ANKFN1: variants seen among roughly 807,000 people sequenced by gnomAD.
The protein encoded by ANKFN1 is ankyrin repeat and fibronectin type III domain containing 1.
A neutral mutation model predicts 108.7 loss-of-function variants in ANKFN1; 74 were observed. The ratio of observed to expected loss-of-function variants is 0.68; its 90% CI spans 0.56 to 0.83. The LOEUF is 0.83. ANKFN1 is among the 40% of genes least tolerant of loss of function. The pLI is 0.00. For missense variants in ANKFN1, 1,505 were observed against 1,382.3 expected (o/e 1.09, Z -1.41); for synonymous variants, 547 against 516.2 (o/e 1.06, Z -0.81).
chr17:56,279,877 A>C (rs951712475), intron 3 of ANKFN1, among the ~76,000 whole-genome samples: 2 of 152,236 alleles, frequency 1.3e-5, no homozygotes, highest in South Asian at 2.1e-4. Context: ...TGAGCACTAA[A>C]CCAGTGGTTC....
intron 11 of ANKFN1, among the ~76,000 whole-genome samples, chr17:56,455,737 G>A (rs1226721613): frequency 1.3e-5 from 2 of 152,212 alleles, no homozygotes; most frequent in Admixed American, 6.5e-5. Flanking sequence ...ATTAGGGCAA[G>A]CTCCATGTTA....
At chr17:56,416,884 A>C (rs1190098972) in intron 8 of ANKFN1, among the ~76,000 whole-genome samples, 1 of 152,316 alleles carries the variant, frequency 6.6e-6, no homozygotes, top group Admixed American at 6.5e-5. Context: ...CATAAAAAAG[A>C]ATGAGATCCT....
chr17:56,051,826 C>T (rs1408780113), intron 4 of ANKFN1, among the ~76,000 whole-genome samples: 1 of 151,354 alleles, frequency 6.6e-6, no homozygotes, highest in Non-Finnish European at 1.5e-5. Context: ...ACAATTGCTT[C>T]AAAGAGAATA....
At chr17:56,322,148 C>T (rs1438260820) in intron 3 of ANKFN1, among the ~76,000 whole-genome samples, 1 of 152,116 alleles carries the variant, frequency 6.6e-6, no homozygotes, top group Non-Finnish European at 1.5e-5. Context: ...AAAAAGAGCA[C>T]AGACCACAAC....
Position 56,326,309 on chromosome 17 carries a change from C to T in ANKFN1, c.142C>T (p.Gln48Ter). The change falls in exon 4 of 21, where the codon CAA (glutamine) becomes TAA (stop). Residue 48 changes from glutamine to a stop codon, truncating the protein, a stop_gained. Coordinates refer to ENST00000682825, the MANE Select transcript of ANKFN1 (RefSeq NM_001370326.1). LOFTEE classifies it high-confidence loss of function. ...TGATTTATTGAATGAAAGCACTGGA[C>T]AATTACCAACAACTTGTTCCTCTGC... ...QCDLLNESTGQLPTTCSSAAS... is the reference protein window; with the variant it reads ...QCDLLNESTG 1 of 1,613,922 alleles carries T rather than the reference C, an allele frequency of 6.2e-7. No homozygotes were observed. The highest frequency in any genetic ancestry group is 1.1e-5 in the South Asian group (1 of 91,040).
intron 1 of ANKFN1, among the ~76,000 whole-genome samples, chr17:56,202,291 T>C (rs960641421): frequency 6.9e-6 from 1 of 144,854 alleles, no homozygotes; most frequent in African/African-American, 2.6e-5. Context: ...GTCAAAGACT[T>C]TCTCCTCCTC....
intron 14 of ANKFN1, 112 bp from the exon 15 acceptor site, chr17:56,466,244 G>C (rs923856017): frequency 8.4e-6 from 8 of 951,238 alleles, no homozygotes; most frequent in Non-Finnish European, 1.3e-5. Context: ...AAAAAAAAGA[G>C]AGCAAACAGC....
chr17:56,240,248 T>G (rs1164652430), intron 3 of ANKFN1, among the ~76,000 whole-genome samples: 1 of 152,276 alleles, frequency 6.6e-6, no homozygotes, highest in South Asian at 2.1e-4. Flanking sequence ...CAGTGAGCAA[T>G]ATCCGTCATT....
chr17:56,405,259 C>T (rs2047887973), intron 8 of ANKFN1, among the ~76,000 whole-genome samples: 1 of 152,170 alleles, frequency 6.6e-6, no homozygotes, highest in South Asian at 2.1e-4. Context: ...CAGAGAAGCA[C>T]AGACAACTCC....
intron 14 of ANKFN1, among the ~76,000 whole-genome samples, chr17:56,462,559 A>C (rs898294158): frequency 3.3e-5 from 5 of 152,176 alleles, no homozygotes; most frequent in Non-Finnish European, 5.9e-5. Flanking sequence ...GCACCATTGC[A>C]CTCCAGCCTG....
At chr17:56,092,266 A>ATTTTTTTTTTTTTTTTTTTTT (rs748898792) in intron 4 of ANKFN1, among the ~76,000 whole-genome samples, 1 of 111,380 alleles carries the variant, frequency 9.0e-6, no homozygotes, top group African/African-American at 4.0e-5. Flanking sequence ...GTGAGGTAGT[A>ATTTTTTTTTTTTTTTTTTTTT]TTTTTTTTTT....
intron 1 of ANKFN1, among the ~76,000 whole-genome samples, chr17:56,199,892 C>T (rs1259362868): frequency 3.9e-5 from 6 of 152,138 alleles, no homozygotes; most frequent in African/African-American, 1.4e-4. Context: ...AACCCTAGTG[C>T]CAGTTCCAGT....
intron 3 of ANKFN1, among the ~76,000 whole-genome samples, chr17:56,319,828 G>T (rs572370099): frequency 6.6e-6 from 1 of 152,184 alleles, no homozygotes; most frequent in Non-Finnish European, 1.5e-5. Flanking sequence ...CATTTTATCA[G>T]CCCGAACTTC....
At chr17:56,157,997 A>G (rs1303040894) in intron 1 of ANKFN1, among the ~76,000 whole-genome samples, 4 of 152,344 alleles carry the variant, frequency 2.6e-5, no homozygotes, top group East Asian at 1.9e-4. Context: ...GCCAGCCTAC[A>G]TGGAGAACAC....
chr17:56,275,193 C>T (rs1217685103), intron 3 of ANKFN1, among the ~76,000 whole-genome samples: 2 of 152,104 alleles, frequency 1.3e-5, no homozygotes, highest in Non-Finnish European at 1.5e-5. Context: ...GAGCATAATG[C>T]ATGACAGTGA....
chr17:56,214,745 T>C (rs968117896), intron 2 of ANKFN1, among the ~76,000 whole-genome samples: 1 of 152,180 alleles, frequency 6.6e-6, no homozygotes, highest in African/African-American at 2.4e-5. Flanking sequence ...GCCCTCATTC[T>C]CTCAGACCTC....
At chr17:56,202,766 T>C (rs961781738) in intron 1 of ANKFN1, among the ~76,000 whole-genome samples, 3 of 152,176 alleles carry the variant, frequency 2.0e-5, no homozygotes, top group African/African-American at 7.2e-5. Context: ...CCATGAAGTG[T>C]CCATATATTA....
chr17:56,079,691 TAA>T (rs1245908419), intron 4 of ANKFN1, among the ~76,000 whole-genome samples: 6 of 152,214 alleles, frequency 3.9e-5, no homozygotes, highest in African/African-American at 1.2e-4. Flanking sequence ...TCTAGGCAGA[TAA>T]AGAGTTTGGG....
At chr17:56,424,823 TG>T (rs2145077314) in intron 8 of ANKFN1, among the ~76,000 whole-genome samples, 1 of 152,222 alleles carries the variant, frequency 6.6e-6, no homozygotes, top group East Asian at 1.9e-4. Context: ...ACTATCTGAG[TG>T]TTGTTTTGAA....
Sources: gnomAD v4.1 joint callset for allele counts (sites outside exome capture counted in the v4.1 genomes callset) on GRCh38, gnomAD v4.1.1 for gene constraint, MANE v1.5 for transcripts, NCBI Gene and HGNC (gene_info 2026-07-23, HGNC 2026-07-21) for gene names.